HSF5: variants seen among roughly 807,000 people sequenced by gnomAD.
HSF5 encodes heat shock factor protein 5.
HSF5 carries 5 observed loss-of-function variants against 50.8 expected under a neutral mutation model. The observed-to-expected ratio is 0.10, with a 90% CI of 0.05 to 0.21. The LOEUF is 0.21. Among genes scored for constraint, HSF5 ranks in the 10% least tolerant of loss-of-function variants. The probability of loss-of-function intolerance (pLI) is 1.00; values close to 1 mark genes in which losing one functional copy is unlikely to be tolerated. For missense variants in HSF5, 564 were observed against 762.6 expected, an observed-to-expected ratio of 0.74 and a Z score of 3.07; for synonymous variants, 307 against 307.4, an observed-to-expected ratio of 1.00 and a Z score of 0.02.
intron 1 of HSF5, among the ~76,000 whole-genome samples, chr17:58,483,154 T>C (rs550783333): frequency 6.6e-6 from 1 of 152,256 alleles, no homozygotes; most frequent in Non-Finnish European, 1.5e-5. Flanking sequence ...ACAACAGCTC[T>C]GCCCTCTTCG....
At position 58,450,022 on chromosome 17, in the gene HSF5, CAAAAAAA is replaced by C. The variant is rs71143248; in HGVS notation, c.1720+8739_1720+8745del. On this transcript the variant is annotated intron_variant, in intron 5 of 5. Coordinates refer to ENST00000323777, the MANE Select transcript of HSF5 (RefSeq NM_001080439.3). ...TGGGTGACAGAGCGAGACTCCGTCTCAAAAAAAAAAAAAAAAAAAAAGATATGCATAG... is the reference window on the plus strand; with the variant it reads ...TGGGTGACAGAGCGAGACTCCGTCTCAAAAAAAAAAAAAAGATATGCATAG... Among the ~76,000 whole-genome samples, 321 of 76,556 alleles carry C rather than the reference CAAAAAAA, an allele frequency of 4.2e-3. 4 individuals are homozygous for C. The highest frequency in any genetic ancestry group is 0.017 in the African/African-American group (299 of 17,708). The allele number at this position is 76,556 out of a possible 152,430, so 50.2% of individuals were successfully genotyped here.
chr17:58,477,245 G>A lies in HSF5; in HGVS notation c.925+2648C>T, dbSNP rs1241542530. Reference sequence around the variant, plus strand: ...AGTGATTCTCCTGCCTCATCCTCCCGAGTAGCTGGGATTACAGGCACCCGC... The same window carrying A: ...AGTGATTCTCCTGCCTCATCCTCCCAAGTAGCTGGGATTACAGGCACCCGC... On this transcript the variant is annotated intron_variant, in intron 2 of 5. Transcript: ENST00000323777. Among the ~76,000 whole-genome samples the A allele has an allele frequency of 6.3e-5, 9 of 143,438 alleles. No homozygotes were observed. The East Asian group carries it at 8.5e-4, about 14-fold the overall frequency. 94.1% of individuals were successfully genotyped at this position (143,438 alleles called of 152,430 possible). A position where few individuals can be genotyped will look rare whatever the true frequency, so the allele number is the denominator to read the frequency against.
Position 58,420,920 on chromosome 17 carries a change from G to C in HSF5, c.*1440C>G, listed in dbSNP as rs986440245. On this transcript the variant is annotated 3_prime_UTR_variant, in exon 6 of 6. Transcript: ENST00000323777. Reference sequence around the variant, plus strand: ...GACATCATTGGGAAGGCACAATGCAGTATAAGAAATGAACTGTTACATCCA... The same window carrying C: ...GACATCATTGGGAAGGCACAATGCACTATAAGAAATGAACTGTTACATCCA... The C allele has an allele frequency of 1.3e-5, 2 of 152,618 alleles. No individual in the cohort carries two copies. The highest frequency in any genetic ancestry group is 2.9e-5 in the Non-Finnish European group (2 of 68,034). The allele number at this position is 152,618 out of a possible 1,614,324, so 9.5% of individuals were successfully genotyped here.
At chr17:58,447,750 TG>T in intron 5 of HSF5, among the ~76,000 whole-genome samples, 1 of 152,306 alleles carries the variant, frequency 6.6e-6, no homozygotes, top group Non-Finnish European at 1.5e-5. Context: ...TTTGAATTTC[TG>T]GAAGGCCCTC....
In HSF5 at chr17:58,471,844, G is replaced by C. The variant is rs9891177; in HGVS notation, c.926-4865C>G. Among the ~76,000 whole-genome samples the C allele has an allele frequency of 9.1e-3, 1,385 of 152,110 alleles. 24 individuals carry two copies. The highest frequency in any genetic ancestry group is 0.031 in the African/African-American group (1,268 of 41,494). On this transcript the variant is annotated intron_variant, in intron 2 of 5. Transcript: ENST00000323777. ...AATTCTGTTATTTAGCCTTTAAAGTGTTAATATCTAGGCTTATTTACTTTT... is the reference window on the plus strand; with the variant it reads ...AATTCTGTTATTTAGCCTTTAAAGTCTTAATATCTAGGCTTATTTACTTTT...
At chr17:58,455,582 AAG>A (rs1299582137) in intron 5 of HSF5, among the ~76,000 whole-genome samples, 10 of 152,182 alleles carry the variant, frequency 6.6e-5, no homozygotes, top group African/African-American at 2.2e-4. Context: ...CATTTGACAA[AAG>A]GTTAATATGC....
rs1216770411 is a variant in HSF5, at chr17:58,462,796, A to G, written c.1528T>C (p.Phe510Leu). The change falls in exon 4 of 6, where the codon TTC becomes CTC. Residue 510 changes from phenylalanine (F) to leucine (L), a missense_variant. Physicochemically the swap from Phe to Leu is conservative, Grantham distance 22. This residue lies in a region of HSF5 where 441 missense variants were observed against 533.6 expected (regional missense o/e 0.83). Transcript: ENST00000323777. ...TGCCCCCTTACCTGGTGTGTGCTGA[A>G]TGGTGGCCCTTCCTGCACAAATACT... ...SVVFVQEGPP[F>L]STHQVDANIK... The G allele has an allele frequency of 1.9e-6, 3 of 1,607,382 alleles. No individual in the cohort carries two copies. Among genetic ancestry groups the G allele is most frequent in the Admixed American group, 1.7e-5 (1 of 59,496 alleles).
At chr17:58,469,638 C>CTAGT (rs1246888817) in intron 2 of HSF5, among the ~76,000 whole-genome samples, 2 of 152,130 alleles carry the variant, frequency 1.3e-5, no homozygotes, top group East Asian at 3.9e-4. Context: ...GACTATGTGC[C>CTAGT]TAGTATATGA....
intron 1 of HSF5, among the ~76,000 whole-genome samples, chr17:58,485,233 G>A (rs1027458636): frequency 6.6e-5 from 10 of 151,872 alleles, no homozygotes; most frequent in Non-Finnish European, 1.2e-4. Context: ...GATTACAGGC[G>A]TGAGCCACCA....
At chr17:58,453,839 A>G (rs913460014) in intron 5 of HSF5, among the ~76,000 whole-genome samples, 1 of 152,146 alleles carries the variant, frequency 6.6e-6, no homozygotes, top group African/African-American at 2.4e-5. Context: ...CTGTAAACCC[A>G]GCACTTTGGG....
chr17:58,422,443 G>C lies in HSF5; in HGVS notation c.1721-13C>G, dbSNP rs371978136. 5 of 1,611,558 alleles carry C rather than the reference G, an allele frequency of 3.1e-6. No individual in the cohort carries two copies. The African/African-American group carries it at 4.0e-5, about 13-fold the overall frequency. ...AGCAGATGAAGATCTAGAAAGAAAG[G>C]ATAGTTTACTCCCTCTTAGCCTCTC... is the stretch of plus-strand genomic sequence containing the variant. On this transcript the variant is annotated splice_polypyrimidine_tract_variant and intron_variant, in intron 5 of 5. Coordinates refer to ENST00000323777, the MANE Select transcript of HSF5 (RefSeq NM_001080439.3).
intron 1 of HSF5, among the ~76,000 whole-genome samples, chr17:58,487,247 C>T (rs552043515): frequency 6.6e-6 from 1 of 152,198 alleles, no homozygotes; most frequent in Non-Finnish European, 1.5e-5. Context: ...TGTTCCATCC[C>T]GCCTTAACCC....
rs1974230797 is a variant in HSF5 at position 58,421,659 on chromosome 17, G to A, written c.*701C>T. 1 of 152,330 alleles carries A rather than the reference G, an allele frequency of 6.6e-6. No homozygotes were observed. 9.4% of individuals were successfully genotyped at this position (152,330 alleles called of 1,614,324 possible). On this transcript the variant is annotated 3_prime_UTR_variant, in exon 6 of 6. Transcript: ENST00000323777. ...TTAATAAAATCTTTTTACCATTTAT[G>A]ATAATGTATCATTAAAATTAAAGAA...
chr17:58,448,597 GA>G (rs939449822), intron 5 of HSF5, among the ~76,000 whole-genome samples: 39 of 151,216 alleles, frequency 2.6e-4, no homozygotes, highest in Non-Finnish European at 3.2e-4. Flanking sequence ...AGTGTTGAAG[GA>G]AAAAAAAATT....
rs775956681 is a variant in HSF5, at chr17:58,421,399, T to C, written c.*961A>G. Reference sequence around the variant, plus strand: ...TTATATAGATGAGAATTTATACTTATTGAATGTAAAAATCTAAAATAAGAA... The same window carrying C: ...TTATATAGATGAGAATTTATACTTACTGAATGTAAAAATCTAAAATAAGAA... On this transcript the variant is annotated 3_prime_UTR_variant, in exon 6 of 6. Transcript: ENST00000323777. 1.3e-5 allele frequency: 2 copies of C among 152,626 alleles called. No individual in the cohort carries two copies. Among genetic ancestry groups the C allele is most frequent in the Non-Finnish European group, 2.9e-5 (2 of 68,030 alleles). 9.5% of individuals were successfully genotyped at this position (152,626 alleles called of 1,614,324 possible). A position where few individuals can be genotyped will look rare whatever the true frequency, so the allele number is the denominator to read the frequency against.
chr17:58,431,065 C>T (rs1376185324), intron 5 of HSF5, among the ~76,000 whole-genome samples: 3 of 152,174 alleles, frequency 2.0e-5, no homozygotes, highest in African/African-American at 7.2e-5. Flanking sequence ...AGTGAATAGT[C>T]TCATGAGACC....
intron 5 of HSF5, among the ~76,000 whole-genome samples, chr17:58,448,102 C>G (rs1367138323): frequency 7.1e-6 from 1 of 140,824 alleles, no homozygotes; most frequent in Non-Finnish European, 1.5e-5. Flanking sequence ...CCACTGCACT[C>G]CAGCCTGGGT....
intron 2 of HSF5, among the ~76,000 whole-genome samples, chr17:58,468,122 G>C (rs995078663): frequency 1.3e-5 from 2 of 152,200 alleles, no homozygotes; most frequent in Non-Finnish European, 2.9e-5. Context: ...ATACAGCGAG[G>C]CATGGTGGCT....
Position 58,429,702 on chromosome 17 carries a change from C to A in HSF5, c.1721-7272G>T, listed in dbSNP as rs143148833. 3.3e-5 allele frequency among the ~76,000 whole-genome samples: 5 copies of A among 150,890 alleles called. No individual in the cohort carries two copies. The East Asian group carries it at 7.9e-4, about 24-fold the overall frequency. ...TCTCTACTAAAAATACAAAATCAGCCGGGCATGGTGGCGGGCGCCTGTAAT... is the reference window on the plus strand; with the variant it reads ...TCTCTACTAAAAATACAAAATCAGCAGGGCATGGTGGCGGGCGCCTGTAAT... On this transcript the variant is annotated intron_variant, in intron 5 of 5. Coordinates refer to ENST00000323777, the MANE Select transcript of HSF5 (RefSeq NM_001080439.3).
Sources: allele counts gnomAD v4.1 joint callset (sites outside exome capture counted in the v4.1 genomes callset), GRCh38; gene constraint gnomAD v4.1.1; regional missense constraint gnomAD v4.1.1; transcripts MANE v1.5; gene names NCBI Gene and HGNC (gene_info 2026-07-23, HGNC 2026-07-21).